Variants in PARP9 observed in about 807,000 individuals in gnomAD.
The protein encoded by PARP9 is protein mono-ADP-ribosyltransferase PARP9.
PARP9 carries 48 observed loss-of-function variants against 68.8 expected under a neutral mutation model. That is an observed-to-expected ratio of 0.70 (90% CI 0.55 to 0.89). PARP9 has a LOEUF of 0.89. Ranked by LOEUF, PARP9 falls within the 40% of genes least tolerant of loss-of-function variation. The pLI is 0.00. For synonymous variants in PARP9, 309 were observed against 333.8 expected (o/e 0.93, Z 0.81); for missense variants, 806 against 969.3 (o/e 0.83, Z 2.24).
At chr3:122,541,299 T>A (rs1333355814) in intron 7 of PARP9, among the ~76,000 whole-genome samples, 1 of 152,216 alleles carries the variant, frequency 6.6e-6, no homozygotes, top group African/African-American at 2.4e-5. Context: ...TACCTATCTC[T>A]GAAAGCTGCA....
At chr3:122,548,571 G>C (rs901576903) in intron 6 of PARP9, among the ~76,000 whole-genome samples, 2 of 152,206 alleles carry the variant, frequency 1.3e-5, no homozygotes, top group Non-Finnish European at 2.9e-5. Context: ...GAATAAAGCA[G>C]AGATGGTCGG....
chr3:122,536,070 C>T, intron 10 of PARP9, 98 bp downstream of exon 10: 1 of 1,599,384 alleles, frequency 6.3e-7, no homozygotes, highest in Non-Finnish European at 8.6e-7. Context: ...CAAATGATCC[C>T]TTCCCCACAA....
chr3:122,545,676 A>C, intron 6 of PARP9, 187 bp from the exon 7 acceptor site: 1 of 586,270 alleles, frequency 1.7e-6, no homozygotes, highest in Non-Finnish European at 3.0e-6. Context: ...TAGAACACGG[A>C]AAGAATAAGC....
At chr3:122,564,353 G>A, upstream of PARP9, 1 of 1,489,576 alleles carries the variant, frequency 6.7e-7, no homozygotes. Context: ...TTTGCGCCCA[G>A]TCCGCAGGGC....
At position 122,558,430 on chromosome 3, in the gene PARP9, C is replaced by A; in HGVS notation, c.49+4G>T. 6.2e-7 allele frequency: 1 copy of A among 1,614,072 alleles called. No homozygotes were observed. Among genetic ancestry groups the A allele is most frequent in the Non-Finnish European group, 8.5e-7 (1 of 1,179,974 alleles). ...AAACAAGAGTGAGAGCGAGGTAATC[C>A]TACCTGATTTTTCATTGTAAGCTGC... On this transcript the variant is annotated splice_donor_region_variant and intron_variant, in intron 3 of 10. Coordinates refer to ENST00000682323, the MANE Select transcript of PARP9 (RefSeq NM_001146105.2).
At chr3:122,532,615 T>C (rs762572694) in intron 10 of PARP9, 8 of 170,558 alleles carry the variant, frequency 4.7e-5, no homozygotes, top group Non-Finnish European at 7.1e-5. Context: ...CTGAGTTTTG[T>C]AGGACTACAG....
At chr3:122,547,025 C>T (rs1281827545) in intron 6 of PARP9, among the ~76,000 whole-genome samples, 3 of 134,418 alleles carry the variant, frequency 2.2e-5, no homozygotes, top group East Asian at 2.1e-4. Flanking sequence ...CACACACACA[C>T]ATACACACAC....
Position 122,559,728 on chromosome 3 carries a change from AG to A in PARP9, c.-89-20del. The A allele has an allele frequency of 2.8e-6, 3 of 1,082,136 alleles. No individual in the cohort carries two copies. The highest frequency in any genetic ancestry group is 3.9e-6 in the Non-Finnish European group (3 of 769,366). 67.0% of individuals were successfully genotyped at this position (1,082,136 alleles called of 1,614,324 possible). A position where few individuals can be genotyped will look rare whatever the true frequency, so the allele number is the denominator to read the frequency against. ...CCCACTTCTAGGAATGAATTAGAAA[AG>A]ATGCAATAAACATTAGCCAGAATCT... On this transcript the variant is annotated intron_variant, in intron 1 of 10. Coordinates refer to ENST00000682323, the MANE Select transcript of PARP9 (RefSeq NM_001146105.2).
At chr3:122,530,585 C>T (rs891687823) in intron 10 of PARP9, among the ~76,000 whole-genome samples, 1 of 152,182 alleles carries the variant, frequency 6.6e-6, no homozygotes, top group African/African-American at 2.4e-5. Flanking sequence ...GAAGTAATCC[C>T]TGTTCACTGC....
At chr3:122,561,513 A>G (rs1466991922) in intron 1 of PARP9, among the ~76,000 whole-genome samples, 2 of 152,094 alleles carry the variant, frequency 1.3e-5, no homozygotes, top group Non-Finnish European at 2.9e-5. Context: ...ATGCCAATGG[A>G]TTATCTTCTA....
At chr3:122,564,140 G>T (rs1305684129) in intron 1 of PARP9, 105 bp downstream of exon 1, 2 of 468,852 alleles carry the variant, frequency 4.3e-6, no homozygotes, top group Admixed American at 4.1e-5. Context: ...CACAAGGGAG[G>T]CCTGGCCCTG....
intron 8 of PARP9, 119 bp from the exon 9 acceptor site, chr3:122,537,192 CAT>C (rs1559812317): frequency 3.6e-6 from 4 of 1,097,232 alleles, no homozygotes; most frequent in African/African-American, 3.2e-5. Context: ...TTGTGTGCCT[CAT>C]GTGTTTAGGA....
Position 122,528,324 on chromosome 3 carries a change from C to T in PARP9, c.*40G>A. Reference sequence around the variant, plus strand: ...GATGGTCATTATTTGGTTAGTTCACCCAAGGTAAGGCCATACCAGCTGTTA... The same window carrying T: ...GATGGTCATTATTTGGTTAGTTCACTCAAGGTAAGGCCATACCAGCTGTTA... On this transcript the variant is annotated 3_prime_UTR_variant, in exon 11 of 11. Coordinates refer to ENST00000682323, the MANE Select transcript of PARP9 (RefSeq NM_001146105.2). 1 of 1,578,964 alleles carries T rather than the reference C, an allele frequency of 6.3e-7. No homozygotes were observed. The highest frequency in any genetic ancestry group is 8.6e-7 in the Non-Finnish European group (1 of 1,162,160).
rs1300516210 is a variant in PARP9, at chr3:122,540,564, A to T, written c.1673T>A (p.Leu558His). 6.2e-7 allele frequency: 1 copy of T among 1,614,052 alleles called. No individual in the cohort carries two copies. The highest frequency in any genetic ancestry group is 8.5e-7 in the Non-Finnish European group (1 of 1,180,022). ...ELEIEGARADLIEVVMNIEDM... is the reference protein window; with the variant it reads ...ELEIEGARADHIEVVMNIEDM... ...TTCAATGTTCATAACCACCTCAATG[A>T]GGTCAGCCCGGGCTCCTTCAATCTC... The change falls in exon 8 of 11, where the codon CTC becomes CAC. Residue 558 changes from leucine to histidine, a missense_variant. By Grantham distance (99) the Leu-to-His change is moderately conservative (BLOSUM62 -3). This residue lies in a region of PARP9 where 680 missense variants were observed against 858.8 expected (regional missense o/e 0.79). Coordinates refer to ENST00000682323, the MANE Select transcript of PARP9 (RefSeq NM_001146105.2).
At position 122,528,493 on chromosome 3, in the gene PARP9, C is replaced by T; in HGVS notation, c.2331G>A (p.Gln777=). Residue 777 remains glutamine, a synonymous_variant, in exon 11 of 11, where the codon CAG becomes CAA. Coordinates refer to ENST00000682323, the MANE Select transcript of PARP9 (RefSeq NM_001146105.2). ...ATGTCCACAAATACTGAGGTATAGC[C>T]TGCATGCCACTAAAAATAACAAAGG... The part of the protein sequence containing the change: ...PETFVIFSGM[Q]AIPQYLWTCT... 1.9e-6 allele frequency: 3 copies of T among 1,614,142 alleles called. No individual in the cohort carries two copies. Among genetic ancestry groups the T allele is most frequent in the Non-Finnish European group, 2.5e-6 (3 of 1,180,018 alleles).
At chr3:122,529,843 A>G (rs1451324305) in intron 10 of PARP9, among the ~76,000 whole-genome samples, 1 of 152,122 alleles carries the variant, frequency 6.6e-6, no homozygotes, top group Non-Finnish European at 1.5e-5. Flanking sequence ...GTTTGAAAAT[A>G]GCATCTAATA....
In PARP9 at chr3:122,555,695, A is replaced by G; in HGVS notation, c.476T>C (p.Ile159Thr). 7 of 1,613,890 alleles carry G rather than the reference A, an allele frequency of 4.3e-6. No individual in the cohort carries two copies. Among genetic ancestry groups the G allele is most frequent in the Non-Finnish European group, 5.9e-6 (7 of 1,179,948 alleles). ...GAGRLPCKQI[I>T]HAVGPRWMEW... ...CATCCACCGAGGCCCAACAGCATGGATGATCTGTTTGCAGGGAAGCCTCCC... is the reference window on the plus strand; with the variant it reads ...CATCCACCGAGGCCCAACAGCATGGGTGATCTGTTTGCAGGGAAGCCTCCC... Residue 159 changes from isoleucine (I) to threonine (T), a missense_variant, in exon 4 of 11, where the codon ATC (isoleucine) becomes ACC (threonine). Around this residue, in one of 2 missense-constraint regions of PARP9, gnomAD observed 680 missense variants for 858.8 expected, o/e 0.79. Transcript: ENST00000682323.
chr3:122,535,350 C>T, intron 10 of PARP9: 1 of 985,358 alleles, frequency 1.0e-6, no homozygotes, highest in Non-Finnish European at 1.2e-6. Context: ...AAGATGATTT[C>T]TAGAGCCTTT....
At chr3:122,552,678 C>T (rs763117001) in intron 4 of PARP9, 39 bp from the exon 5 acceptor site, 2 of 1,455,836 alleles carry the variant, frequency 1.4e-6, no homozygotes, top group African/African-American at 2.8e-5. Flanking sequence ...TTGTTAAATT[C>T]CTTCTTCTTA....
Sources: allele counts gnomAD v4.1 joint callset (sites outside exome capture counted in the v4.1 genomes callset), GRCh38; gene constraint gnomAD v4.1.1; regional missense constraint gnomAD v4.1.1; transcripts MANE v1.5; gene names NCBI Gene and HGNC (gene_info 2026-07-23, HGNC 2026-07-21).